Variants in DMXL1 observed in about 807,000 individuals in gnomAD.
The protein encoded by DMXL1 is Dmx like 1, also known as dmX-like protein 1.
In DMXL1, 99 loss-of-function variants were observed where a neutral mutation model predicts 319.2. That is an observed-to-expected ratio of 0.31 (90% confidence interval 0.26 to 0.37). The LOEUF is 0.37. Ranked by LOEUF, DMXL1 falls within the 10% of genes least tolerant of loss-of-function variation. DMXL1 has a pLI of 1.00. For synonymous variants in DMXL1, 1,385 were observed against 1,235.2 expected, an observed-to-expected ratio of 1.12 and a Z score of -2.54; for missense variants, 3,745 against 3,595.6, an observed-to-expected ratio of 1.04 and a Z score of -1.06.
At chr5:119,138,827 G>A (rs562759323) in intron 13 of DMXL1, 4 of 152,180 alleles carry the variant, frequency 2.6e-5, no homozygotes, top group African/African-American at 9.7e-5. Flanking sequence ...GACAGAGAGA[G>A]ACACCATCTT....
chr5:119,173,220 A>G (rs1333463264), intron 25 of DMXL1, among the ~76,000 whole-genome samples: 1 of 151,886 alleles, frequency 6.6e-6, no homozygotes, highest in Non-Finnish European at 1.5e-5. Flanking sequence ...CATGCCTATA[A>G]TCTCAGGTGT....
intron 38 of DMXL1, among the ~76,000 whole-genome samples, chr5:119,232,736 G>T (rs1787005366): frequency 6.6e-6 from 1 of 151,814 alleles, no homozygotes; most frequent in African/African-American, 2.4e-5. Flanking sequence ...GCCTCTTAGA[G>T]GCTGAAGTGG....
chr5:119,094,592 G>A (rs1205966695), intron 1 of DMXL1, among the ~76,000 whole-genome samples: 1 of 152,130 alleles, frequency 6.6e-6, no homozygotes, highest in Non-Finnish European at 1.5e-5. Flanking sequence ...AACTTTTAAA[G>A]TCTTATTTAA....
In DMXL1 at chr5:119,198,145, C is replaced by T. The variant is rs543555312; in HGVS notation, c.7745+189C>T. ...CTGGGATTACAGGCGCCTGCCACCA[C>T]GCCTGGTTAATTTTTGTATTTTTAG... On this transcript the variant is annotated intron_variant, in intron 32 of 43. Transcript: ENST00000539542. Among the ~76,000 whole-genome samples, 174 of 152,174 alleles carry T rather than the reference C, an allele frequency of 1.1e-3. 1 individual carries two copies. The Middle Eastern group carries it at 0.024, about 21-fold the overall frequency.
intron 19 of DMXL1, among the ~76,000 whole-genome samples, chr5:119,152,778 G>T (rs1242696449): frequency 6.6e-6 from 1 of 152,094 alleles, no homozygotes; most frequent in Non-Finnish European, 1.5e-5. Flanking sequence ...CTGACTTTCA[G>T]CATTATTGGA....
intron 39 of DMXL1, among the ~76,000 whole-genome samples, chr5:119,235,858 A>C (rs925020231): frequency 2.0e-5 from 3 of 152,120 alleles, no homozygotes; most frequent in Non-Finnish European, 4.4e-5. Context: ...ACTATCATTC[A>C]AATTTGCTAG....
intron 38 of DMXL1, among the ~76,000 whole-genome samples, chr5:119,232,349 A>C (rs1050130190): frequency 2.6e-5 from 4 of 152,186 alleles, no homozygotes; most frequent in Non-Finnish European, 5.9e-5. Flanking sequence ...CATTTATTTT[A>C]AATATTTGAT....
At position 119,147,259 on chromosome 5, in the gene DMXL1, A is replaced by G; in HGVS notation, c.2700A>G (p.Val900=). The G allele has an allele frequency of 6.2e-7, 1 of 1,611,732 alleles. No individual in the cohort carries two copies. The highest frequency in any genetic ancestry group is 8.5e-7 in the Non-Finnish European group (1 of 1,178,598). The change falls in exon 17 of 44, where the codon GTA becomes GTG. Residue 900 remains valine, a synonymous_variant. Coordinates refer to ENST00000539542, the MANE Select transcript of DMXL1 (RefSeq NM_001290321.3). ...TCTTATGTTTTGTAGATGAAAAAGT[A>G]GATACAAAATTATCCGAAGCGGTTT... ...KSIPVSLDEK[V]DTKLSEAVWQ... is the part of the protein sequence containing the mutation.
At chr5:119,179,569 A>G (rs1445712011) in intron 28 of DMXL1, among the ~76,000 whole-genome samples, 1 of 152,186 alleles carries the variant, frequency 6.6e-6, no homozygotes, top group Non-Finnish European at 1.5e-5. Flanking sequence ...ATTGATGAAT[A>G]TTCTTTGAAT....
intron 9 of DMXL1, among the ~76,000 whole-genome samples, chr5:119,125,746 A>T (rs1763400627): frequency 6.6e-6 from 1 of 151,806 alleles, no homozygotes; most frequent in East Asian, 1.9e-4. Flanking sequence ...TTGTATTTTT[A>T]ATAAAGGCGG....
chr5:119,171,624 T>G (rs1191055876), intron 24 of DMXL1, among the ~76,000 whole-genome samples, 154 bp from the exon 25 acceptor site: 3 of 152,144 alleles, frequency 2.0e-5, no homozygotes, highest in South Asian at 4.1e-4. Flanking sequence ...ATTATTGAAA[T>G]GCTGACTTCT....
At chr5:119,137,742 A>G (rs1375745423) in intron 13 of DMXL1, among the ~76,000 whole-genome samples, 4 of 152,140 alleles carry the variant, frequency 2.6e-5, no homozygotes, top group Non-Finnish European at 5.9e-5. Context: ...TTCCGCCATG[A>G]TTGTAAGTTT....
intron 33 of DMXL1, chr5:119,206,379 A>G (rs951960928): frequency 6.6e-6 from 1 of 152,310 alleles, no homozygotes; most frequent in African/African-American, 2.4e-5. Context: ...AGTGGAAGAG[A>G]ATTAGATACA....
chr5:119,095,627 G>A (rs1490058005), intron 1 of DMXL1, among the ~76,000 whole-genome samples: 2 of 152,296 alleles, frequency 1.3e-5, no homozygotes, highest in African/African-American at 4.8e-5. Flanking sequence ...AATCTAAATT[G>A]TAAACATGTA....
intron 16 of DMXL1, 53 bp from the exon 17 acceptor site, chr5:119,147,196 T>C (rs749068412): frequency 2.7e-5 from 39 of 1,456,434 alleles, no homozygotes; most frequent in Non-Finnish European, 3.5e-5. Context: ...ACAATCGTAA[T>C]ATTTATAGGG....
Position 119,203,303 on chromosome 5 carries a change from C to T in DMXL1, c.7746-16C>T. On this transcript the variant is annotated splice_polypyrimidine_tract_variant and intron_variant, in intron 32 of 43. Coordinates refer to ENST00000539542, the MANE Select transcript of DMXL1 (RefSeq NM_001290321.3). Reference sequence around the variant, plus strand: ...TTTCTGAAGTTTATCATTAAATTTGCTGTCTCTCTCTGTAGATCCAAACAC... The same window carrying T: ...TTTCTGAAGTTTATCATTAAATTTGTTGTCTCTCTCTGTAGATCCAAACAC... 1.4e-6 allele frequency: 2 copies of T among 1,480,766 alleles called. No homozygotes were observed. Among genetic ancestry groups the T allele is most frequent in the Non-Finnish European group, 1.8e-6 (2 of 1,102,242 alleles). The allele number at this position is 1,480,766 out of a possible 1,614,324, so 91.7% of individuals were successfully genotyped here.
chr5:119,156,192 C>G (rs1210713525), intron 19 of DMXL1, among the ~76,000 whole-genome samples: 2 of 152,180 alleles, frequency 1.3e-5, no homozygotes, highest in African/African-American at 4.8e-5. Flanking sequence ...AGTCAGCAGC[C>G]GGTAACATCA....
intron 1 of DMXL1, among the ~76,000 whole-genome samples, chr5:119,082,784 G>A (rs1340042593): frequency 6.6e-6 from 1 of 152,184 alleles, no homozygotes; most frequent in Non-Finnish European, 1.5e-5. Context: ...TACATTTACA[G>A]TAGTGATCTG....
intron 32 of DMXL1, among the ~76,000 whole-genome samples, chr5:119,202,315 A>G (rs1027207317): frequency 1.3e-5 from 2 of 152,168 alleles, no homozygotes; most frequent in African/African-American, 2.4e-5. Flanking sequence ...TCAACAAACT[A>G]TGGCCATCCC....
Sources: gnomAD v4.1 joint callset for allele counts (sites outside exome capture counted in the v4.1 genomes callset) on GRCh38, gnomAD v4.1.1 for gene constraint, MANE v1.5 for transcripts, NCBI Gene and HGNC (gene_info 2026-07-23, HGNC 2026-07-21) for gene names.